Variants in ZFP3 observed in about 807,000 individuals in gnomAD.
The protein encoded by ZFP3 is zinc finger protein 3 homolog.
A neutral mutation model predicts 36.7 loss-of-function variants in ZFP3; 18 were observed. The observed-to-expected ratio is 0.49, with a 90% CI of 0.34 to 0.73. ZFP3 has a LOEUF of 0.73. Ranked by LOEUF, ZFP3 falls within the 30% of genes least tolerant of loss-of-function variation. The pLI, the probability that ZFP3 is intolerant of heterozygous loss-of-function variation, is 0.01. For missense variants in ZFP3, 495 were observed against 599.0 expected (o/e 0.83, Z 1.81); for synonymous variants, 218 against 199.0 (o/e 1.10, Z -0.81).
At chr17:5,085,429 C>T (rs940061996) in intron 1 of ZFP3, among the ~76,000 whole-genome samples, 16 of 150,864 alleles carry the variant, frequency 1.1e-4, no homozygotes, top group Admixed American at 2.6e-4. Context: ...AGTGCAGTGG[C>T]GCAATCTTGG....
chr17:5,093,642 T>C lies in ZFP3; in HGVS notation c.*629T>C, dbSNP rs961904434. ...TCCACTGTTTAGCATTGGAATAATTTAGTAAGCTGTTATTAGCTTCAAAGT... is the reference window on the plus strand; with the variant it reads ...TCCACTGTTTAGCATTGGAATAATTCAGTAAGCTGTTATTAGCTTCAAAGT... On this transcript the variant is annotated 3_prime_UTR_variant, in exon 2 of 2. Coordinates refer to ENST00000318833, the MANE Select transcript of ZFP3 (RefSeq NM_153018.3). The C allele has an allele frequency of 6.0e-6, 1 of 167,068 alleles. No individual in the cohort carries two copies. The highest frequency in any genetic ancestry group is 1.5e-5 in the Non-Finnish European group (1 of 68,134). 10.3% of individuals were successfully genotyped at this position (167,068 alleles called of 1,614,324 possible).
chr17:5,090,687 T>C (rs2072145239), intron 1 of ZFP3, among the ~76,000 whole-genome samples: 1 of 152,196 alleles, frequency 6.6e-6, no homozygotes, highest in South Asian at 2.1e-4. Context: ...TTTTTCTTTT[T>C]TGAGACAGGG....
rs1427695956 is a variant in ZFP3, at chr17:5,093,245, G to A, written c.*232G>A. On this transcript the variant is annotated 3_prime_UTR_variant, in exon 2 of 2. Coordinates refer to ENST00000318833, the MANE Select transcript of ZFP3 (RefSeq NM_153018.3). ...CAGGATGGGATGCAGTGGCACAGTC[G>A]TAACTCACTGCTTCCTTGAACTCCT... 9.0e-6 allele frequency: 4 copies of A among 444,944 alleles called. No individual in the cohort carries two copies. The highest frequency in any genetic ancestry group is 2.1e-5 in the African/African-American group (1 of 48,256). 27.6% of individuals were successfully genotyped at this position (444,944 alleles called of 1,614,324 possible). A position where few individuals can be genotyped will look rare whatever the true frequency, so the allele number is the denominator to read the frequency against.
In ZFP3 at chr17:5,092,894, C is replaced by A. The variant is rs745481286; in HGVS notation, c.1390C>A (p.Leu464Ile). ...GAAAACATTTAGCCAGCATTCCCAA[C>A]TTATCATACATCAGAGAATTCACAC... is the stretch of plus-strand genomic sequence containing the variant. ...CEKTFSQHSQ[L>I]IIHQRIHTGE... Residue 464 changes from leucine (L) to isoleucine (I), a missense_variant, in exon 2 of 2, where the codon CTT becomes ATT. Coordinates refer to ENST00000318833, the MANE Select transcript of ZFP3 (RefSeq NM_153018.3). This position sits in a 1 kb window ranked among gnomAD's most constrained non-coding sequence, Gnocchi z 5.0. 1 of 1,614,182 alleles carries A rather than the reference C, an allele frequency of 6.2e-7. No homozygotes were observed. Among genetic ancestry groups the A allele is most frequent in the East Asian group, 2.2e-5 (1 of 44,888 alleles).
chr17:5,084,588 T>C (rs900758681), intron 1 of ZFP3, among the ~76,000 whole-genome samples: 1 of 152,138 alleles, frequency 6.6e-6, no homozygotes, highest in African/African-American at 2.4e-5. Context: ...ATGAGGCTTT[T>C]TGAGCTTGCT....
intron 1 of ZFP3, among the ~76,000 whole-genome samples, chr17:5,089,791 G>A (rs61511960): frequency 0.034 from 5,215 of 151,920 alleles, 207 homozygotes; most frequent in East Asian, 0.094. Flanking sequence ...CAGTAGCTGA[G>A]ACTACAGACA....
rs2072181070 is a variant in ZFP3, at chr17:5,096,227, C to T, written c.*3214C>T. 1 of 167,040 alleles carries T rather than the reference C, an allele frequency of 6.0e-6. No homozygotes were observed. Among genetic ancestry groups the T allele is most frequent in the Non-Finnish European group, 1.5e-5 (1 of 68,122 alleles). The allele number at this position is 167,040 out of a possible 1,614,324, so 10.3% of individuals were successfully genotyped here. A position where few individuals can be genotyped will look rare whatever the true frequency, so the allele number is the denominator to read the frequency against. Reference sequence around the variant, plus strand: ...AGACCCATTAAAAAACCGCACAGGCCTCAATCTTAAAAGTCCTATCTAAAT... The same window carrying T: ...AGACCCATTAAAAAACCGCACAGGCTTCAATCTTAAAAGTCCTATCTAAAT... On this transcript the variant is annotated 3_prime_UTR_variant, in exon 2 of 2. Coordinates refer to ENST00000318833, the MANE Select transcript of ZFP3 (RefSeq NM_153018.3).
chr17:5,091,292 G>T (rs1439618170), intron 1 of ZFP3, among the ~76,000 whole-genome samples: 4 of 152,042 alleles, frequency 2.6e-5, no homozygotes, highest in South Asian at 2.1e-4. Context: ...CTGTCACCCA[G>T]GCTGAAGTGC....
At chr17:5,090,391 T>C (rs1265610966) in intron 1 of ZFP3, among the ~76,000 whole-genome samples, 1 of 152,356 alleles carries the variant, frequency 6.6e-6, no homozygotes, top group South Asian at 2.1e-4. Context: ...TTTAAATCAG[T>C]AGGGGAAAGA....
At chr17:5,089,511 A>AT (rs1406604651) in intron 1 of ZFP3, among the ~76,000 whole-genome samples, 1 of 152,128 alleles carries the variant, frequency 6.6e-6, no homozygotes, top group Non-Finnish European at 1.5e-5. Context: ...TGGGGAATGT[A>AT]TTTTTTTAGC....
chr17:5,091,395 T>C (rs1009833928), intron 1 of ZFP3, 102 bp from the exon 2 acceptor site: 27 of 1,276,674 alleles, frequency 2.1e-5, no homozygotes, highest in Non-Finnish European at 2.9e-5. Context: ...CAAGACTGTT[T>C]CTGAGTGCTA....
In ZFP3 at chr17:5,092,791, C is replaced by T; in HGVS notation, c.1287C>T (p.Thr429=). The T allele has an allele frequency of 6.2e-7, 1 of 1,614,064 alleles. No homozygotes were observed. Among genetic ancestry groups the T allele is most frequent in the Non-Finnish European group, 8.5e-7 (1 of 1,180,020 alleles). The change falls in exon 2 of 2, where the codon ACC becomes ACT. Residue 429 remains threonine, a synonymous_variant. Coordinates refer to ENST00000318833, the MANE Select transcript of ZFP3 (RefSeq NM_153018.3). The surrounding 1 kb of genome is among the most constrained non-coding windows in gnomAD (Gnocchi z 5.0). ...ATCAATGTAATGAGTGTGCAAGAAC[C>T]TTTTGGGATAATTCTGAGCTGCTTC... ...KPHQCNECAR[T]FWDNSELLLH...
intron 1 of ZFP3, among the ~76,000 whole-genome samples, chr17:5,079,766 G>T (rs571188532): frequency 6.6e-6 from 1 of 152,250 alleles, no homozygotes; most frequent in East Asian, 1.9e-4. Flanking sequence ...TCAGCTGGGC[G>T]TGATGGCTCA....
At chr17:5,080,591 C>T (rs758999874) in intron 1 of ZFP3, among the ~76,000 whole-genome samples, 2 of 152,072 alleles carry the variant, frequency 1.3e-5, no homozygotes, top group East Asian at 1.9e-4. Flanking sequence ...ATTAAAATTT[C>T]GACATTTCAA....
At position 5,093,166 on chromosome 17, in the gene ZFP3, G is replaced by A. The variant is rs903434221; in HGVS notation, c.*153G>A. ...TGATTTTAAATAGTTGGTTGAAGAA[G>A]ATGAGGCACTTTTTTTTTTTTTTTT... On this transcript the variant is annotated 3_prime_UTR_variant, in exon 2 of 2. Coordinates refer to ENST00000318833, the MANE Select transcript of ZFP3 (RefSeq NM_153018.3). The A allele has an allele frequency of 6.8e-6, 5 of 735,268 alleles. No individual in the cohort carries two copies. The highest frequency in any genetic ancestry group is 9.8e-6 in the Non-Finnish European group (5 of 508,552). 45.5% of individuals were successfully genotyped at this position (735,268 alleles called of 1,614,324 possible).
At chr17:5,080,026 G>A (rs897307055) in intron 1 of ZFP3, among the ~76,000 whole-genome samples, 1 of 151,760 alleles carries the variant, frequency 6.6e-6, no homozygotes, top group African/African-American at 2.4e-5. Flanking sequence ...GAGACAGAGC[G>A]AGGCTCCATC....
In ZFP3 at chr17:5,083,846, A is replaced by ATTTTCTTTTCTTTTCTTTTC. The variant is rs71149521; in HGVS notation, c.-9+5286_-9+5305dup. ...GGGTTTTATGTGGCTTTCCATGCAG[A>ATTTTCTTTTCTTTTCTTTTC]TTTTCTTTTCTTTTCTTTTCTTTTC... On this transcript the variant is annotated intron_variant, in intron 1 of 1. Coordinates refer to ENST00000318833, the MANE Select transcript of ZFP3 (RefSeq NM_153018.3). Among the ~76,000 whole-genome samples the ATTTTCTTTTCTTTTCTTTTC allele has an allele frequency of 1.4e-3, 203 of 148,790 alleles. 1 individual carries two copies. Among genetic ancestry groups the ATTTTCTTTTCTTTTCTTTTC allele is most frequent in the African/African-American group, 4.5e-3 (182 of 40,062 alleles).
At chr17:5,081,076 T>C (rs1296936060) in intron 1 of ZFP3, among the ~76,000 whole-genome samples, 4 of 151,244 alleles carry the variant, frequency 2.6e-5, no homozygotes, top group African/African-American at 9.8e-5. Flanking sequence ...AATCCCAATG[T>C]TTTTTCTGTT....
Position 5,092,012 on chromosome 17 carries a change from G to T in ZFP3, c.508G>T (p.Glu170Ter). Reference protein sequence around the residue: ...MRVHSGEKPFECKECGKTFGT... With the variant: ...MRVHSGEKPF ...AGTTCATAGTGGAGAAAAACCCTTT[G>T]AATGTAAAGAATGTGGAAAGACATT... is the stretch of plus-strand genomic sequence containing the variant. The change falls in exon 2 of 2, where the codon GAA becomes TAA. Residue 170 changes from glutamate (E) to a stop codon, truncating the protein, a stop_gained. Transcript: ENST00000318833. LOFTEE classifies it high-confidence loss of function. This position sits in a 1 kb window ranked among gnomAD's most constrained non-coding sequence, Gnocchi z 5.0. 1 of 1,614,176 alleles carries T rather than the reference G, an allele frequency of 6.2e-7. No homozygotes were observed. The highest frequency in any genetic ancestry group is 8.5e-7 in the Non-Finnish European group (1 of 1,180,020).
Sources: gnomAD v4.1 joint callset for allele counts (sites outside exome capture counted in the v4.1 genomes callset) on GRCh38, gnomAD v4.1.1 for gene constraint, Gnocchi (gnomAD v3.1) non-coding constraint, MANE v1.5 for transcripts, NCBI Gene and HGNC (gene_info 2026-07-23, HGNC 2026-07-21) for gene names.